The following IL1RAPL2 variants were observed in gnomAD, a reference collection of about 807,000 sequenced individuals.
IL1RAPL2 encodes the protein interleukin 1 receptor accessory protein like 2.
In IL1RAPL2, 3 loss-of-function variants were observed where a neutral mutation model predicts 44.1. The ratio of observed to expected loss-of-function variants is 0.07; its 90% CI spans 0.03 to 0.18. The LOEUF is 0.18. Ranked by LOEUF, IL1RAPL2 falls within the 10% of genes least tolerant of loss-of-function variation. The probability of loss-of-function intolerance (pLI) is 1.00; values close to 1 mark genes in which losing one functional copy is unlikely to be tolerated. For missense variants in IL1RAPL2, 391 were observed against 496.4 expected (o/e 0.79, Z 2.02); for synonymous variants, 181 against 178.8 (o/e 1.01, Z -0.10).
intron 6 of IL1RAPL2, among the ~76,000 whole-genome samples, chrX:105,666,442 G>C (rs1262083055): frequency 9.0e-6 from 1 of 111,586 alleles, no homozygotes; most frequent in Non-Finnish European, 1.9e-5. Context: ...GGTCACATGG[G>C]GATGAAGTAA....
intron 5 of IL1RAPL2, among the ~76,000 whole-genome samples, chrX:105,307,258 C>T (rs1352693771): frequency 1.0e-5 from 1 of 99,739 alleles, no homozygotes; most frequent in Admixed American, 1.2e-4. Flanking sequence ...GAGACCACAT[C>T]TCTCCCAAAA....
rs2213371 is a variant in IL1RAPL2, at chrX:105,210,551, G to A, written c.356+14803G>A. On this transcript the variant is annotated intron_variant, in intron 3 of 10. Transcript: ENST00000372582. ...GGGCATCCAGTTAGTTGAGGCTAGGGATTTTGCTAAACAACCTACAATGCA... is the reference window on the plus strand; with the variant it reads ...GGGCATCCAGTTAGTTGAGGCTAGGAATTTTGCTAAACAACCTACAATGCA... Among the ~76,000 whole-genome samples the A allele has an allele frequency of 6.7e-3, 740 of 110,968 alleles. 8 individuals are homozygous for A. The highest frequency in any genetic ancestry group is 0.023 in the African/African-American group (710 of 30,386).
chrX:104,694,765 G>C (rs1446707536), intron 2 of IL1RAPL2, among the ~76,000 whole-genome samples: 1 of 111,797 alleles, frequency 8.9e-6, no homozygotes, highest in African/African-American at 3.2e-5. Flanking sequence ...GAGGGGGAAA[G>C]GGGGAGTGTA....
chrX:105,575,206 C>G (rs1333732762), intron 6 of IL1RAPL2, among the ~76,000 whole-genome samples: 1 of 110,458 alleles, frequency 9.1e-6, no homozygotes, highest in African/African-American at 3.3e-5. Flanking sequence ...TTTTTAATTT[C>G]AGGAGTACAG....
chrX:104,839,762 C>T (rs986226668), intron 2 of IL1RAPL2, among the ~76,000 whole-genome samples: 4 of 111,448 alleles, frequency 3.6e-5, no homozygotes, highest in Non-Finnish European at 5.6e-5. Flanking sequence ...CCTCAATTTC[C>T]GAACTTGTTA....
At chrX:104,588,509 T>G (rs1289757456) in intron 1 of IL1RAPL2, among the ~76,000 whole-genome samples, 1 of 111,499 alleles carries the variant, frequency 9.0e-6, no homozygotes, top group Non-Finnish European at 1.9e-5. Context: ...CTTCTAGAAC[T>G]TAGAAAACCA....
chrX:105,178,695 G>A (rs2033499641), intron 2 of IL1RAPL2, among the ~76,000 whole-genome samples: 1 of 111,314 alleles, frequency 9.0e-6, no homozygotes, highest in African/African-American at 3.3e-5. Context: ...TCCTAATTAG[G>A]GCAAGATGAT....
intron 2 of IL1RAPL2, among the ~76,000 whole-genome samples, chrX:105,089,531 C>G (rs1033188000): frequency 3.6e-5 from 4 of 111,071 alleles, no homozygotes; most frequent in Middle Eastern, 4.6e-3. Context: ...TTCCCCACCT[C>G]ATTTTCCATC....
intron 2 of IL1RAPL2, among the ~76,000 whole-genome samples, chrX:105,045,544 T>C (rs1244637212): frequency 9.0e-6 from 1 of 110,517 alleles, no homozygotes; most frequent in Non-Finnish European, 1.9e-5. Flanking sequence ...TGCTTGACTT[T>C]TATTGTGTTT....
At chrX:105,202,520 C>A (rs1007030802) in intron 3 of IL1RAPL2, among the ~76,000 whole-genome samples, 20 of 112,111 alleles carry the variant, frequency 1.8e-4, no homozygotes, top group African/African-American at 6.2e-4. Context: ...CAATCCCCTC[C>A]ATAATCTCAT....
chrX:104,657,142 G>T (rs1435889036), intron 1 of IL1RAPL2, among the ~76,000 whole-genome samples: 5 of 110,750 alleles, frequency 4.5e-5, no homozygotes, highest in African/African-American at 9.8e-5. Flanking sequence ...TTTGCCAGTT[G>T]GTGTCTTTTA....
intron 5 of IL1RAPL2, among the ~76,000 whole-genome samples, chrX:105,271,747 T>A (rs1402627324): frequency 9.1e-6 from 1 of 110,238 alleles, no homozygotes; most frequent in Non-Finnish European, 1.9e-5. Context: ...CTTGAAGAGG[T>A]CCTTCACATC....
chrX:105,073,361 A>G (rs2032238532), intron 2 of IL1RAPL2, among the ~76,000 whole-genome samples: 1 of 107,116 alleles, frequency 9.3e-6, no homozygotes, highest in Non-Finnish European at 1.9e-5. Context: ...GTGTCCCTAC[A>G]AAGGACATGA....
chrX:105,109,604 G>A (rs1195494833), intron 2 of IL1RAPL2, among the ~76,000 whole-genome samples: 1 of 111,763 alleles, frequency 8.9e-6, no homozygotes, highest in Non-Finnish European at 1.9e-5. Flanking sequence ...TGAGAAGAGG[G>A]GAAAATGAGA....
intron 10 of IL1RAPL2, among the ~76,000 whole-genome samples, chrX:105,758,311 G>A (rs1053255379): frequency 9.0e-6 from 1 of 111,478 alleles, no homozygotes; most frequent in Non-Finnish European, 1.9e-5. Context: ...CACTTTTGAT[G>A]TATCTTCAGT....
In IL1RAPL2 at chrX:105,767,330, T is replaced by A; in HGVS notation, c.1730T>A (p.Leu577His). ...GTTCTGGACTCCGCAGAACAAGGAC[T>A]TTTTGGAGAACTCCAGCCTATACCC... ...CHVLDSAEQGLFGELQPIPSI... is the reference protein window; with the variant it reads ...CHVLDSAEQGHFGELQPIPSI... Residue 577 changes from leucine (L) to histidine (H), a missense_variant, in exon 11 of 11, where the codon CTT becomes CAT. This residue lies in a region of IL1RAPL2 where 232 missense variants were observed against 244.8 expected (regional missense o/e 0.95). Coordinates refer to ENST00000372582, the MANE Select transcript of IL1RAPL2 (RefSeq NM_017416.2). The A allele has an allele frequency of 8.3e-7, 1 of 1,211,729 alleles. No homozygotes were observed. Among genetic ancestry groups the A allele is most frequent in the Non-Finnish European group, 1.1e-6 (1 of 895,302 alleles).
chrX:104,967,840 C>T (rs2030156697), intron 2 of IL1RAPL2, among the ~76,000 whole-genome samples: 2 of 110,579 alleles, frequency 1.8e-5, no homozygotes, highest in Non-Finnish European at 3.8e-5. Flanking sequence ...CTTCCCTAGA[C>T]AAACTACAGA....
At chrX:105,360,422 T>C (rs766331941) in intron 5 of IL1RAPL2, among the ~76,000 whole-genome samples, 1 of 111,747 alleles carries the variant, frequency 8.9e-6, no homozygotes, top group Non-Finnish European at 1.9e-5. Flanking sequence ...CAAAGTCCTG[T>C]CCTCATAGAG....
intron 5 of IL1RAPL2, among the ~76,000 whole-genome samples, chrX:105,445,304 G>A (rs1327665630): frequency 9.0e-6 from 1 of 110,868 alleles, no homozygotes; most frequent in Non-Finnish European, 1.9e-5. Context: ...AAGACTTGTC[G>A]ACTTTATCTT....
Sources: gnomAD v4.1 joint callset for allele counts (sites outside exome capture counted in the v4.1 genomes callset) on GRCh38, gnomAD v4.1.1 for gene constraint, gnomAD v4.1.1 regional missense constraint, MANE v1.5 for transcripts, NCBI Gene and HGNC (gene_info 2026-07-23, HGNC 2026-07-21) for gene names.